Variants in TMCC1 observed in about 807,000 individuals in gnomAD.
The protein encoded by TMCC1 is transmembrane and coiled-coil domains protein 1.
TMCC1 carries 15 observed loss-of-function variants against 52.4 expected under a neutral mutation model. The observed-to-expected ratio is 0.29, with a 90% confidence interval of 0.19 to 0.44. The LOEUF (loss-of-function observed/expected upper bound fraction) is 0.44. Among genes scored for constraint, TMCC1 ranks in the 20% least tolerant of loss-of-function variants. The probability of loss-of-function intolerance (pLI) is 1.00; values close to 1 mark genes in which losing one functional copy is unlikely to be tolerated. For synonymous variants in TMCC1, 279 were observed against 301.9 expected, an observed-to-expected ratio of 0.92 and a Z score of 0.79; for missense variants, 503 against 806.0, an observed-to-expected ratio of 0.62 and a Z score of 4.55.
intron 4 of TMCC1, among the ~76,000 whole-genome samples, chr3:129,672,016 C>T (rs984049305): frequency 4.6e-5 from 7 of 152,148 alleles, no homozygotes; most frequent in Non-Finnish European, 8.8e-5. Context: ...TCAGGTCTTT[C>T]GGAGCCCATA....
At chr3:129,680,773 C>T (rs1025827429) in intron 4 of TMCC1, among the ~76,000 whole-genome samples, 1 of 151,958 alleles carries the variant, frequency 6.6e-6, no homozygotes, top group Admixed American at 6.6e-5. Context: ...TGGTGGTGCA[C>T]GCCTGTAATC....
chr3:129,875,237 C>T (rs2061137861), intron 2 of TMCC1, among the ~76,000 whole-genome samples: 1 of 151,634 alleles, frequency 6.6e-6, no homozygotes, highest in African/African-American at 2.4e-5. Flanking sequence ...ACCTGTAATC[C>T]CAGCACTGTG....
At chr3:129,767,175 C>T (rs373709619) in intron 4 of TMCC1, among the ~76,000 whole-genome samples, 23 of 150,780 alleles carry the variant, frequency 1.5e-4, no homozygotes, top group East Asian at 7.9e-4. Flanking sequence ...GCAACAGAAT[C>T]GCTTGAACCC....
chr3:129,763,076 T>C (rs972939606), intron 4 of TMCC1, among the ~76,000 whole-genome samples: 3 of 151,384 alleles, frequency 2.0e-5, no homozygotes, highest in Non-Finnish European at 4.4e-5. Context: ...CAGGTGCCTG[T>C]AGTCCCAGCT....
chr3:129,741,931 A>C (rs1231982075), intron 4 of TMCC1, among the ~76,000 whole-genome samples: 2 of 152,190 alleles, frequency 1.3e-5, no homozygotes, highest in East Asian at 3.8e-4. Flanking sequence ...CACATAATTT[A>C]TCTAGAAACC....
intron 5 of TMCC1, among the ~76,000 whole-genome samples, chr3:129,668,044 C>T (rs565522883): frequency 3.9e-5 from 6 of 152,194 alleles, no homozygotes; most frequent in African/African-American, 1.4e-4. Context: ...AAAAACGAGC[C>T]AAGCGTGGTG....
intron 4 of TMCC1, among the ~76,000 whole-genome samples, chr3:129,697,275 ACAC>A (rs769126418): frequency 6.6e-6 from 1 of 152,174 alleles, no homozygotes; most frequent in Non-Finnish European, 1.5e-5. Flanking sequence ...TACAGGCTCA[ACAC>A]CACATGGAAG....
At chr3:129,736,641 C>T (rs2050993239) in intron 4 of TMCC1, among the ~76,000 whole-genome samples, 1 of 151,684 alleles carries the variant, frequency 6.6e-6, no homozygotes, top group Admixed American at 6.6e-5. Context: ...CCTGTCTCAG[C>T]CTCCTGAGTA....
intron 4 of TMCC1, among the ~76,000 whole-genome samples, chr3:129,759,268 CTT>C (rs1391292529): frequency 9.7e-4 from 136 of 139,802 alleles, no homozygotes; most frequent in African/African-American, 3.0e-3. Flanking sequence ...TAATTCATGA[CTT>C]TTTTTTTTTT....
At chr3:129,885,222 G>C (rs1402692207) in intron 1 of TMCC1, among the ~76,000 whole-genome samples, 3 of 152,074 alleles carry the variant, frequency 2.0e-5, no homozygotes, top group African/African-American at 7.2e-5. Context: ...AGGTTTCAAT[G>C]AATTGGTCAG....
At chr3:129,875,910 G>C in intron 2 of TMCC1, among the ~76,000 whole-genome samples, 1 of 152,188 alleles carries the variant, frequency 6.6e-6, no homozygotes, top group East Asian at 1.9e-4. Context: ...AAGGCGGGCG[G>C]ATCACCTGAG....
At chr3:129,872,400 C>T (rs1191581392) in intron 2 of TMCC1, among the ~76,000 whole-genome samples, 1 of 152,134 alleles carries the variant, frequency 6.6e-6, no homozygotes, top group East Asian at 1.9e-4. Context: ...ATTCTCAGGC[C>T]CTACTCCAAA....
Position 129,688,425 on chromosome 3 carries a change from C to T in TMCC1, c.577-17161G>A, listed in dbSNP as rs537812778. On this transcript the variant is annotated intron_variant, in intron 4 of 6. Coordinates refer to ENST00000393238, the MANE Select transcript of TMCC1 (RefSeq NM_001017395.5). ...ACAGCTACCACTGGGAATGCTTTCC[C>T]CCACCAAAGAGCCGCAGTGAAGCTT... 4 of 985,408 alleles carry T rather than the reference C, an allele frequency of 4.1e-6. No individual in the cohort carries two copies. The Admixed American group carries it at 2.5e-4, about 61-fold the overall frequency. The allele number at this position is 985,408 out of a possible 1,614,324, so 61.0% of individuals were successfully genotyped here.
chr3:129,671,313 C>T (rs879854809), intron 4 of TMCC1, 49 bp from the exon 5 acceptor site: 8 of 1,529,104 alleles, frequency 5.2e-6, no homozygotes, highest in African/African-American at 2.8e-5. Flanking sequence ...AGGACTACGT[C>T]TTCAAAATCA....
intron 4 of TMCC1, among the ~76,000 whole-genome samples, chr3:129,710,600 C>T (rs560447108): frequency 2.5e-4 from 38 of 152,338 alleles, no homozygotes; most frequent in African/African-American, 8.4e-4. Flanking sequence ...TATGACTATA[C>T]TATGTCTTCT....
At chr3:129,717,399 A>T (rs2049189903) in intron 4 of TMCC1, among the ~76,000 whole-genome samples, 1 of 152,112 alleles carries the variant, frequency 6.6e-6, no homozygotes, top group Non-Finnish European at 1.5e-5. Context: ...CTCTTCTCTC[A>T]TAGGTCAATC....
chr3:129,886,079 A>G (rs185803129), intron 1 of TMCC1, among the ~76,000 whole-genome samples: 5 of 152,242 alleles, frequency 3.3e-5, no homozygotes, highest in Admixed American at 3.3e-4. Context: ...ACACTCAGAG[A>G]CTGCTTGAGA....
chr3:129,671,261 C>A lies in TMCC1; in HGVS notation c.580G>T (p.Glu194Ter). 2 of 1,606,016 alleles carry A rather than the reference C, an allele frequency of 1.2e-6. No individual in the cohort carries two copies. Among genetic ancestry groups the A allele is most frequent in the South Asian group, 1.1e-5 (1 of 90,278 alleles). ...PGEEGTAERI[E>*]RLEVSSLAQT... ...GCAAGGCTGCTTACTTCCAACCGTT[C>A]GATCTAGTGTAAAAACAAGAGGTAC... Residue 194 changes from glutamate to a stop codon, truncating the protein, a stop_gained, in exon 5 of 7, where the codon GAA becomes TAA. Transcript: ENST00000393238. LOFTEE classifies it high-confidence loss of function.
Position 129,651,291 on chromosome 3 carries a change from C to A in TMCC1, c.*190G>T, listed in dbSNP as rs1209442045. 3 of 670,200 alleles carry A rather than the reference C, an allele frequency of 4.5e-6. No individual in the cohort carries two copies. The African/African-American group carries it at 5.4e-5, about 12-fold the overall frequency. 41.5% of individuals were successfully genotyped at this position (670,200 alleles called of 1,614,324 possible). ...TGATCCAAGATTTTCGCCCAAAAAA[C>A]TTCTTGGATAAAATCTAAAAAATAC... is the stretch of plus-strand genomic sequence containing the variant. On this transcript the variant is annotated 3_prime_UTR_variant, in exon 7 of 7. Transcript: ENST00000393238. The surrounding 1 kb of genome is among the most constrained non-coding windows in gnomAD (Gnocchi z 5.1).
Sources: gnomAD v4.1 joint callset for allele counts (sites outside exome capture counted in the v4.1 genomes callset) on GRCh38, gnomAD v4.1.1 for gene constraint, Gnocchi (gnomAD v3.1) non-coding constraint, MANE v1.5 for transcripts, NCBI Gene and HGNC (gene_info 2026-07-23, HGNC 2026-07-21) for gene names.